The following SUCLG2 variants were observed in gnomAD, a reference collection of about 807,000 sequenced individuals.
SUCLG2 encodes the protein succinate--CoA ligase [GDP-forming] subunit beta, mitochondrial.
SUCLG2 carries 42 observed loss-of-function variants against 47.9 expected under a neutral mutation model. The observed-to-expected ratio is 0.88, with a 90% confidence interval of 0.69 to 1.14. The LOEUF (loss-of-function observed/expected upper bound fraction) is 1.14, where lower values mean the gene tolerates loss of function less well. Among genes scored for constraint, SUCLG2 ranks in the 50% most tolerant of loss-of-function variants. The pLI is 0.00. For missense variants in SUCLG2, 571 were observed against 525.9 expected (o/e 1.09, Z -0.84); for synonymous variants, 195 against 197.3 (o/e 0.99, Z 0.10).
chr3:67,376,398 TC>T, intron 10 of SUCLG2: 1 of 985,422 alleles, frequency 1.0e-6, no homozygotes, highest in Non-Finnish European at 1.2e-6. Flanking sequence ...TCTTGACTGT[TC>T]CTGGTGGATC....
chr3:67,416,259 T>C (rs753057646), intron 9 of SUCLG2, among the ~76,000 whole-genome samples: 8 of 152,226 alleles, frequency 5.3e-5, no homozygotes, highest in Non-Finnish European at 1.2e-4. Context: ...AGGTAGCTCT[T>C]TCAATAAAAT....
intron 10 of SUCLG2, among the ~76,000 whole-genome samples, chr3:67,383,548 C>T (rs1046933344): frequency 5.9e-5 from 9 of 152,162 alleles, no homozygotes; most frequent in African/African-American, 9.7e-5. Flanking sequence ...AATCAACACT[C>T]GAGGTGTGAA....
chr3:67,373,742 T>C (rs553030516), downstream of SUCLG2, among the ~76,000 whole-genome samples: 124 of 152,252 alleles, frequency 8.1e-4, no homozygotes, highest in African/African-American at 2.8e-3. Flanking sequence ...TATTTGCTCA[T>C]TTATTTTCTC....
At chr3:67,396,375 C>G (rs1214777430) in intron 10 of SUCLG2, among the ~76,000 whole-genome samples, 1 of 152,048 alleles carries the variant, frequency 6.6e-6, no homozygotes, top group African/African-American at 2.4e-5. Context: ...AAACTACCAT[C>G]AGAGAATACT....
intron 9 of SUCLG2, 95 bp downstream of exon 9, chr3:67,495,703 A>G (rs979183513): frequency 1.7e-5 from 25 of 1,479,204 alleles, no homozygotes; most frequent in Non-Finnish European, 2.1e-5. Flanking sequence ...GAGTACACAT[A>G]TTGACTTATC....
intron 2 of SUCLG2, among the ~76,000 whole-genome samples, chr3:67,595,897 G>C (rs1708282091): frequency 6.6e-6 from 1 of 152,236 alleles, no homozygotes; most frequent in South Asian, 2.1e-4. Flanking sequence ...GTTGAAATGT[G>C]CTCTTTGTCT....
intron 2 of SUCLG2, among the ~76,000 whole-genome samples, chr3:67,532,187 G>A (rs1181036400): frequency 6.6e-6 from 1 of 152,194 alleles, no homozygotes; most frequent in Non-Finnish European, 1.5e-5. Flanking sequence ...CCAGGCTGGA[G>A]TGCAGTGGTG....
At chr3:67,491,609 C>T (rs566684796) in intron 9 of SUCLG2, among the ~76,000 whole-genome samples, 48 of 152,188 alleles carry the variant, frequency 3.2e-4, no homozygotes, top group Admixed American at 5.9e-4. Context: ...CTGCCCACTT[C>T]GGCCTCCCAA....
chr3:67,533,985 A>C (rs1345304383), intron 2 of SUCLG2, among the ~76,000 whole-genome samples: 4 of 151,596 alleles, frequency 2.6e-5, no homozygotes, highest in Non-Finnish European at 5.9e-5. Flanking sequence ...ACATCATTTG[A>C]CTGAATGAGA....
At chr3:67,467,352 G>C (rs542503885) in intron 9 of SUCLG2, among the ~76,000 whole-genome samples, 1 of 152,242 alleles carries the variant, frequency 6.6e-6, no homozygotes, top group East Asian at 1.9e-4. Flanking sequence ...ATTTTCTTAA[G>C]CTCAAAGGGT....
At chr3:67,436,110 T>G (rs1703614538) in intron 9 of SUCLG2, among the ~76,000 whole-genome samples, 1 of 152,112 alleles carries the variant, frequency 6.6e-6, no homozygotes, top group South Asian at 2.1e-4. Context: ...TGAAATGAAG[T>G]CAAGTCTCAA....
intron 9 of SUCLG2, among the ~76,000 whole-genome samples, chr3:67,489,914 G>A (rs1705163139): frequency 6.6e-6 from 1 of 152,112 alleles, no homozygotes; most frequent in Non-Finnish European, 1.5e-5. Context: ...CTAACCAATT[G>A]GAAGCAGAAA....
At chr3:67,440,918 C>T (rs1450836504) in intron 9 of SUCLG2, among the ~76,000 whole-genome samples, 2 of 152,198 alleles carry the variant, frequency 1.3e-5, no homozygotes, top group Non-Finnish European at 2.9e-5. Flanking sequence ...ACTATAAAGA[C>T]ACATGCACAC....
chr3:67,471,370 A>G (rs1156591274), intron 9 of SUCLG2, among the ~76,000 whole-genome samples: 1 of 152,168 alleles, frequency 6.6e-6, no homozygotes, highest in African/African-American at 2.4e-5. Context: ...GTAAGACAGA[A>G]TAACTGGGTT....
rs180944946 is a variant in SUCLG2, at chr3:67,434,579, A to G, written c.1063-33728T>C. ...GTGAATCTGCTTTTAAATATTGTAC[A>G]TAGGGTACCTAACAAAAAAAGGTGT... is the stretch of plus-strand genomic sequence containing the variant. On this transcript the variant is annotated intron_variant, in intron 9 of 10. Coordinates refer to ENST00000307227, the MANE Select transcript of SUCLG2 (RefSeq NM_003848.4). 1.5e-3 allele frequency among the ~76,000 whole-genome samples: 233 copies of G among 152,264 alleles called. 2 individuals carry two copies. Among genetic ancestry groups the G allele is most frequent in the Middle Eastern group, 3.4e-3 (1 of 294 alleles).
At chr3:67,532,201 T>C (rs1194305415) in intron 2 of SUCLG2, among the ~76,000 whole-genome samples, 1 of 152,202 alleles carries the variant, frequency 6.6e-6, no homozygotes, top group East Asian at 1.9e-4. Context: ...AGTGGTGTGA[T>C]CTTGGCCCAC....
intron 4 of SUCLG2, among the ~76,000 whole-genome samples, chr3:67,522,900 G>A (rs917406210): frequency 4.0e-5 from 6 of 151,820 alleles, no homozygotes; most frequent in Admixed American, 2.6e-4. Context: ...TCCTGACCTC[G>A]TGATCCGCCC....
intron 1 of SUCLG2, among the ~76,000 whole-genome samples, chr3:67,643,167 GTGTT>G (rs1211344218): frequency 6.6e-6 from 1 of 152,154 alleles, no homozygotes; most frequent in African/African-American, 2.4e-5. Flanking sequence ...CTCAGTGTTT[GTGTT>G]TGTTTCTGAA....
chr3:67,523,262 C>T (rs1015690529), intron 4 of SUCLG2, among the ~76,000 whole-genome samples: 1 of 152,144 alleles, frequency 6.6e-6, no homozygotes, highest in Non-Finnish European at 1.5e-5. Flanking sequence ...TATAGAACTC[C>T]TCTTTTTCAA....
Sources: gnomAD v4.1 joint callset for allele counts (sites outside exome capture counted in the v4.1 genomes callset) on GRCh38, gnomAD v4.1.1 for gene constraint, MANE v1.5 for transcripts, NCBI Gene and HGNC (gene_info 2026-07-23, HGNC 2026-07-21) for gene names.